Variants in TAFA2 observed in about 807,000 individuals in gnomAD.
TAFA2 encodes TAFA chemokine like family member 2.
TAFA2 carries 7 observed loss-of-function variants against 18.8 expected under a neutral mutation model. The observed-to-expected ratio is 0.37, with a 90% CI of 0.21 to 0.70. The LOEUF (loss-of-function observed/expected upper bound fraction) is 0.70. TAFA2 is among the 30% of genes least tolerant of loss of function. The probability of loss-of-function intolerance (pLI) is 0.53; values close to 1 mark genes in which losing one functional copy is unlikely to be tolerated. For synonymous variants in TAFA2, 60 were observed against 54.2 expected (o/e 1.11, Z -0.47); for missense variants, 122 against 158.1 (o/e 0.77, Z 1.23).
intron 1 of TAFA2, among the ~76,000 whole-genome samples, chr12:62,001,342 T>C (rs1484398339): frequency 6.6e-6 from 1 of 152,152 alleles, no homozygotes; most frequent in Admixed American, 6.5e-5. Context: ...GCACATTACA[T>C]TTATTGTGCA....
intron 2 of TAFA2, among the ~76,000 whole-genome samples, chr12:61,800,006 GT>G (rs372603176): frequency 6.6e-6 from 1 of 152,102 alleles, no homozygotes; most frequent in African/African-American, 2.4e-5. Context: ...AAATCACATT[GT>G]CCACAAACAC....
intron 4 of TAFA2, among the ~76,000 whole-genome samples, chr12:61,721,955 CAAAA>C (rs11285316): frequency 6.8e-6 from 1 of 147,242 alleles, no homozygotes; most frequent in Non-Finnish European, 1.5e-5. Context: ...GACTCTCTCT[CAAAA>C]AAAAAAAAAG....
chr12:61,746,397 A>T (rs1868712054), intron 4 of TAFA2, among the ~76,000 whole-genome samples: 1 of 152,100 alleles, frequency 6.6e-6, no homozygotes, highest in Non-Finnish European at 1.5e-5. Context: ...TCTTCATAGC[A>T]GTGTGAGAAT....
rs1209010389 is a variant in TAFA2 at position 62,029,411 on chromosome 12, A to G, written c.-2+161848T>C. Among the ~76,000 whole-genome samples the G allele has an allele frequency of 3.3e-5, 5 of 152,132 alleles. No homozygotes were observed. The East Asian group carries it at 9.6e-4, about 29-fold the overall frequency. On this transcript the variant is annotated intron_variant, in intron 1 of 4. Coordinates refer to ENST00000416284, the MANE Select transcript of TAFA2 (RefSeq NM_178539.5). ...TATTGATAAGAAAATTATGTTTCTG[A>G]AAAGTTAACAAACTCATCTAAGGTC... is the stretch of plus-strand genomic sequence containing the variant.
intron 1 of TAFA2, among the ~76,000 whole-genome samples, chr12:62,170,319 G>A (rs1040574921): frequency 6.6e-6 from 1 of 152,200 alleles, no homozygotes; most frequent in African/African-American, 2.4e-5. Flanking sequence ...ATCACATTGG[G>A]TGAGGACTTG....
At chr12:62,240,064 T>TTATATAACA (rs1289441112) in intron 1 of TAFA2, among the ~76,000 whole-genome samples, 2 of 150,992 alleles carry the variant, frequency 1.3e-5, no homozygotes, top group Non-Finnish European at 2.9e-5. Flanking sequence ...ATATGTTGCA[T>TTATATAACA]AATTATATAT....
chr12:61,963,738 C>G (rs1314470525), intron 1 of TAFA2, among the ~76,000 whole-genome samples: 2 of 151,926 alleles, frequency 1.3e-5, no homozygotes. Flanking sequence ...CTTTATATTT[C>G]ATATGAAACC....
chr12:61,760,509 C>G (rs1869496678), intron 2 of TAFA2, among the ~76,000 whole-genome samples: 3 of 151,470 alleles, frequency 2.0e-5, no homozygotes, highest in African/African-American at 7.3e-5. Context: ...ATCTTAAAGT[C>G]TTGTTATGAT....
chr12:62,143,036 A>G (rs972250938), intron 1 of TAFA2, among the ~76,000 whole-genome samples: 1 of 152,208 alleles, frequency 6.6e-6, no homozygotes, highest in Non-Finnish European at 1.5e-5. Context: ...CCAGGATTCT[A>G]CGGATATCAC....
At chr12:62,188,995 G>A (rs2062604323) in intron 1 of TAFA2, among the ~76,000 whole-genome samples, 1 of 152,014 alleles carries the variant, frequency 6.6e-6, no homozygotes, top group Non-Finnish European at 1.5e-5. Context: ...TTTTTCTAAT[G>A]CAATATCACA....
chr12:61,959,358 A>G (rs1236430973), intron 1 of TAFA2, among the ~76,000 whole-genome samples: 1 of 151,978 alleles, frequency 6.6e-6, no homozygotes, highest in Non-Finnish European at 1.5e-5. Context: ...TAAATGTCAC[A>G]TGGTCTTTGT....
intron 1 of TAFA2, among the ~76,000 whole-genome samples, chr12:62,121,832 A>C (rs1870210085): frequency 6.6e-6 from 1 of 152,312 alleles, no homozygotes; most frequent in African/African-American, 2.4e-5. Flanking sequence ...AAACAACTAG[A>C]AAATGTGGGA....
intron 1 of TAFA2, among the ~76,000 whole-genome samples, chr12:62,045,632 T>C (rs1396656572): frequency 6.6e-6 from 1 of 152,206 alleles, no homozygotes; most frequent in African/African-American, 2.4e-5. Context: ...ATGTCTTCTA[T>C]TAAAAAGCAG....
intron 1 of TAFA2, among the ~76,000 whole-genome samples, chr12:62,049,178 C>A (rs1881986639): frequency 1.3e-5 from 2 of 152,260 alleles, no homozygotes; most frequent in South Asian, 4.2e-4. Flanking sequence ...ATGAGCCATA[C>A]ATCCTGGCAA....
At chr12:61,985,074 TA>T (rs1358723930) in intron 1 of TAFA2, among the ~76,000 whole-genome samples, 1 of 152,194 alleles carries the variant, frequency 6.6e-6, no homozygotes, top group Non-Finnish European at 1.5e-5. Context: ...GTTGAGCTGA[TA>T]AAACAATTTA....
At position 62,145,552 on chromosome 12, in the gene TAFA2, A is replaced by T. The variant is rs377280562; in HGVS notation, c.-2+45707T>A. The T allele has an allele frequency of 2.6e-5, 4 of 152,232 alleles. No individual in the cohort carries two copies. In the East Asian group the frequency reaches 7.7e-4, roughly 29 times the overall value. 9.4% of individuals were successfully genotyped at this position (152,232 alleles called of 1,614,324 possible). A position where few individuals can be genotyped will look rare whatever the true frequency, so the allele number is the denominator to read the frequency against. On this transcript the variant is annotated intron_variant, in intron 1 of 4. Transcript: ENST00000416284. The stretch of plus-strand genomic sequence containing the variant: ...GGGACCTAAAGAAGTGGAAGAAAAT[A>T]TATTCATGAACTCATCCTCCTCCTT...
chr12:61,808,919 T>C (rs145675656), intron 2 of TAFA2, among the ~76,000 whole-genome samples: 1 of 151,710 alleles, frequency 6.6e-6, no homozygotes, highest in East Asian at 1.9e-4. Context: ...ATGTATTATC[T>C]ATTACATCTA....
chr12:62,232,120 T>C (rs933997878), intron 1 of TAFA2, among the ~76,000 whole-genome samples: 1 of 152,200 alleles, frequency 6.6e-6, no homozygotes, highest in African/African-American at 2.4e-5. Context: ...TCACAATAAA[T>C]GGAAAATTAA....
intron 1 of TAFA2, chr12:62,198,265 C>T (rs1428401424): frequency 6.6e-6 from 1 of 152,040 alleles, no homozygotes; most frequent in African/African-American, 2.4e-5. Context: ...AAAGTCAGAG[C>T]CAGTCATTGA....
Sources: gnomAD v4.1 joint callset for allele counts (sites outside exome capture counted in the v4.1 genomes callset) on GRCh38, gnomAD v4.1.1 for gene constraint, MANE v1.5 for transcripts, NCBI Gene and HGNC (gene_info 2026-07-23, HGNC 2026-07-21) for gene names.